TTL: variants seen among roughly 807,000 people sequenced by gnomAD.
TTL encodes tubulin--tyrosine ligase.
TTL carries 10 observed loss-of-function variants against 41.1 expected under a neutral mutation model. That is an observed-to-expected ratio of 0.24 (90% CI 0.15 to 0.41). The LOEUF is 0.41. TTL is among the 10% of genes least tolerant of loss of function. The pLI is 1.00. For missense variants in TTL, 367 were observed against 460.4 expected (o/e 0.80, Z 1.86); for synonymous variants, 175 against 175.5 (o/e 1.00, Z 0.02).
At chr2:112,487,552 T>G (rs994307813) in intron 2 of TTL, among the ~76,000 whole-genome samples, 1 of 152,200 alleles carries the variant, frequency 6.6e-6, no homozygotes, top group Non-Finnish European at 1.5e-5. Context: ...TTTGCAGTTA[T>G]AGTGAAGCAG....
At chr2:112,492,812 AC>A (rs1455479582) in intron 2 of TTL, among the ~76,000 whole-genome samples, 3 of 152,260 alleles carry the variant, frequency 2.0e-5, no homozygotes, top group Non-Finnish European at 4.4e-5. Context: ...AACGTTTTCA[AC>A]CCGGGAGGTA....
At chr2:112,495,833 C>G (rs1225681381) in intron 3 of TTL, among the ~76,000 whole-genome samples, 4 of 150,072 alleles carry the variant, frequency 2.7e-5, no homozygotes, top group Non-Finnish European at 4.4e-5. Flanking sequence ...GAACAAGACT[C>G]CTTCTCAAAA....
intron 4 of TTL, 32 bp downstream of exon 4, chr2:112,501,373 T>C (rs763432558): frequency 6.5e-7 from 1 of 1,529,352 alleles, no homozygotes; most frequent in Non-Finnish European, 8.9e-7. Context: ...CTTTTGTTTT[T>C]ATTCATCTGA....
At chr2:112,496,687 G>GTT (rs1262694067) in intron 3 of TTL, among the ~76,000 whole-genome samples, 3 of 141,414 alleles carry the variant, frequency 2.1e-5, no homozygotes, top group Non-Finnish European at 3.1e-5. Context: ...GTGTGTGTGT[G>GTT]TGTGTGTGTG....
intron 5 of TTL, among the ~76,000 whole-genome samples, chr2:112,509,790 C>G (rs1302496944): frequency 2.6e-5 from 4 of 152,222 alleles, no homozygotes; most frequent in Admixed American, 6.5e-5. Context: ...CTGCGTCGCT[C>G]ACGCTGGGAG....
At chr2:112,519,557 T>G (rs1226876353) in intron 5 of TTL, among the ~76,000 whole-genome samples, 17 of 151,672 alleles carry the variant, frequency 1.1e-4, no homozygotes, top group African/African-American at 3.4e-4. Flanking sequence ...CATGTTTTTT[T>G]TTTTTTTTTT....
chr2:112,494,034 A>C, intron 2 of TTL, 109 bp from the exon 3 acceptor site: 1 of 755,054 alleles, frequency 1.3e-6, no homozygotes, highest in Non-Finnish European at 2.2e-6. Context: ...TAGAAGACTG[A>C]GTCATGCTTT....
In TTL at chr2:112,503,403, G is replaced by GTGTATA. The variant is rs376486813; in HGVS notation, c.875+223_875+224insGTATAT. Among the ~76,000 whole-genome samples, 157 of 143,438 alleles carry GTGTATA rather than the reference G, an allele frequency of 1.1e-3. 1 individual carries two copies. Among genetic ancestry groups the GTGTATA allele is most frequent in the East Asian group, 6.2e-3 (31 of 4,986 alleles). 94.1% of individuals were successfully genotyped at this position (143,438 alleles called of 152,430 possible). On this transcript the variant is annotated intron_variant, in intron 5 of 6. Transcript: ENST00000233336. ...TGTGTGTGTATGTGTGTGTGTGTGT[G>GTGTATA]TATATATATATATATATTTATATAT...
intron 3 of TTL, among the ~76,000 whole-genome samples, chr2:112,499,057 G>A (rs1221125394): frequency 1.3e-5 from 2 of 151,698 alleles, no homozygotes; most frequent in African/African-American, 2.4e-5. Context: ...GGTGGCTCTC[G>A]GCTGAAATCC....
rs891996867 is a variant in TTL at position 112,490,761 on chromosome 2, C to T, written c.237-3382C>T. ...TAGTTTTTTGTATTTTTAGTAGAGA[C>T]GGGATTTCACCATGTTGACCAGGCT... is the stretch of plus-strand genomic sequence containing the variant. On this transcript the variant is annotated intron_variant, in intron 2 of 6. Coordinates refer to ENST00000233336, the MANE Select transcript of TTL (RefSeq NM_153712.5). Among the ~76,000 whole-genome samples the T allele has an allele frequency of 4.0e-5, 6 of 151,268 alleles. No homozygotes were observed. In the South Asian group the frequency reaches 6.3e-4, roughly 16 times the overall value.
At chr2:112,488,105 T>C (rs557063469) in intron 2 of TTL, among the ~76,000 whole-genome samples, 2 of 152,306 alleles carry the variant, frequency 1.3e-5, no homozygotes, top group Admixed American at 1.3e-4. Flanking sequence ...AGCCCAGTCC[T>C]TCCCCCTGTC....
intron 2 of TTL, among the ~76,000 whole-genome samples, chr2:112,490,747 A>G (rs1681360971): frequency 6.6e-6 from 1 of 150,934 alleles, no homozygotes; most frequent in African/African-American, 2.4e-5. Flanking sequence ...AGTTTTTTGT[A>G]TTTTTAGTAG....
intron 2 of TTL, 118 bp from the exon 3 acceptor site, chr2:112,494,025 A>C (rs532577213): frequency 2.6e-5 from 19 of 718,076 alleles, no homozygotes; most frequent in African/African-American, 3.6e-5. Flanking sequence ...TAGAGATGTT[A>C]GAAGACTGAG....
In TTL at chr2:112,534,242, C is replaced by A. The variant is rs2104484991; in HGVS notation, c.*5447C>A. ...GGCTGAGGCAGGAGAATGGCGTGAA[C>A]CTAGGAGGCAGAGCTTGCAGTGAGC... On this transcript the variant is annotated 3_prime_UTR_variant, in exon 7 of 7. Transcript: ENST00000233336. 1 of 149,012 alleles carries A rather than the reference C, an allele frequency of 6.7e-6. No individual in the cohort carries two copies. The highest frequency in any genetic ancestry group is 2.1e-4 in the South Asian group (1 of 4,718). 9.2% of individuals were successfully genotyped at this position (149,012 alleles called of 1,614,324 possible).
intron 5 of TTL, among the ~76,000 whole-genome samples, chr2:112,512,463 C>T (rs1406327556): frequency 2.0e-5 from 3 of 152,030 alleles, no homozygotes; most frequent in African/African-American, 7.2e-5. Flanking sequence ...AGGGTTTCAC[C>T]GTGTTAGCCA....
chr2:112,519,233 C>T (rs1682156172), intron 5 of TTL, among the ~76,000 whole-genome samples: 1 of 152,098 alleles, frequency 6.6e-6, no homozygotes, highest in Non-Finnish European at 1.5e-5. Context: ...AAAAATTGTT[C>T]ATAACAGTAA....
At chr2:112,518,331 A>AT (rs35977243) in intron 5 of TTL, among the ~76,000 whole-genome samples, 40,748 of 145,726 alleles carry the variant, frequency 0.28, 5,885 homozygotes, top group South Asian at 0.34. Context: ...TAGAACAGGG[A>AT]TTTTTTTTTT....
intron 4 of TTL, 61 bp from the exon 5 acceptor site, chr2:112,502,851 G>C (rs552338074): frequency 6.5e-7 from 1 of 1,543,084 alleles, no homozygotes; most frequent in East Asian, 2.3e-5. Context: ...GGGGATTGAT[G>C]TATATAATAT....
intron 2 of TTL, among the ~76,000 whole-genome samples, chr2:112,487,703 T>C (rs1055935831): frequency 6.6e-6 from 1 of 152,178 alleles, no homozygotes; most frequent in Non-Finnish European, 1.5e-5. Context: ...CTCGGAGGCA[T>C]GCAGTGTGAT....
Sources: allele counts gnomAD v4.1 joint callset (sites outside exome capture counted in the v4.1 genomes callset), GRCh38; gene constraint gnomAD v4.1.1; transcripts MANE v1.5; gene names NCBI Gene and HGNC (gene_info 2026-07-23, HGNC 2026-07-21).